Variants in INPP4B observed in about 807,000 individuals in gnomAD.
The protein encoded by INPP4B is inositol polyphosphate-4-phosphatase type II B.
Under a neutral mutation model 122.5 loss-of-function variants are expected in INPP4B, and 55 were observed. That is an observed-to-expected ratio of 0.45 (90% confidence interval 0.36 to 0.56). The LOEUF (loss-of-function observed/expected upper bound fraction) is 0.56, where lower values mean the gene tolerates loss of function less well. Ranked by LOEUF, INPP4B falls within the 20% of genes least tolerant of loss-of-function variation. The pLI, the probability that INPP4B is intolerant of heterozygous loss-of-function variation, is 0.00. For missense variants in INPP4B, 1,000 were observed against 1,097.7 expected, an observed-to-expected ratio of 0.91 and a Z score of 1.26; for synonymous variants, 403 against 388.7, an observed-to-expected ratio of 1.04 and a Z score of -0.43.
intron 9 of INPP4B, among the ~76,000 whole-genome samples, chr4:142,301,989 T>G (rs1761623585): frequency 6.6e-6 from 1 of 152,160 alleles, no homozygotes; most frequent in African/African-American, 2.4e-5. Context: ...ATTCATCAAC[T>G]TATAAGACAT....
intron 2 of INPP4B, among the ~76,000 whole-genome samples, chr4:142,725,239 G>A (rs1054964898): frequency 6.6e-6 from 1 of 152,018 alleles, no homozygotes; most frequent in Non-Finnish European, 1.5e-5. Flanking sequence ...ATAGTGATTT[G>A]AAAATTTAGC....
chr4:142,501,541 G>A (rs1190980845), intron 2 of INPP4B, among the ~76,000 whole-genome samples: 2 of 150,580 alleles, frequency 1.3e-5, no homozygotes, highest in Non-Finnish European at 2.9e-5. Flanking sequence ...AAAAGCAATT[G>A]AGATGAAAAC....
chr4:142,305,347 G>T, intron 9 of INPP4B, 111 bp downstream of exon 9: 1 of 770,892 alleles, frequency 1.3e-6, no homozygotes, highest in Non-Finnish European at 2.2e-6. Flanking sequence ...TTAGCTATTT[G>T]AGAACTGACA....
chr4:142,233,241 C>T (rs907966949), intron 12 of INPP4B, among the ~76,000 whole-genome samples: 2 of 151,832 alleles, frequency 1.3e-5, no homozygotes, highest in Admixed American at 1.3e-4. Flanking sequence ...TGTATTCCCA[C>T]AGGTCCTATA....
chr4:142,716,671 A>G (rs1207618297), intron 2 of INPP4B, among the ~76,000 whole-genome samples: 1 of 152,234 alleles, frequency 6.6e-6, no homozygotes, highest in Admixed American at 6.5e-5. Flanking sequence ...CTAACAGGCC[A>G]GGTAGAGGTC....
chr4:142,046,997 A>AT (rs1418445855), intron 25 of INPP4B, among the ~76,000 whole-genome samples: 1 of 152,012 alleles, frequency 6.6e-6, no homozygotes, highest in African/African-American at 2.4e-5. Context: ...TCTCAGATAC[A>AT]TTTTTTTCCT....
chr4:142,628,089 C>T (rs1305280800), intron 2 of INPP4B, among the ~76,000 whole-genome samples: 1 of 151,858 alleles, frequency 6.6e-6, no homozygotes, highest in Non-Finnish European at 1.5e-5. Flanking sequence ...ATAAATCATG[C>T]TGCTATAAAG....
intron 9 of INPP4B, among the ~76,000 whole-genome samples, chr4:142,301,929 A>G (rs1273087615): frequency 6.6e-6 from 1 of 152,142 alleles, no homozygotes; most frequent in African/African-American, 2.4e-5. Context: ...TGCTAGTATC[A>G]TTTCCACAGA....
At chr4:142,740,869 C>A (rs1013580723) in intron 1 of INPP4B, among the ~76,000 whole-genome samples, 1 of 152,040 alleles carries the variant, frequency 6.6e-6, no homozygotes, top group East Asian at 1.9e-4. Context: ...GATAAATTAA[C>A]TTAAAAGAGC....
chr4:142,790,618 G>A (rs1226536804), intron 1 of INPP4B, among the ~76,000 whole-genome samples: 6 of 151,766 alleles, frequency 4.0e-5, no homozygotes, highest in African/African-American at 1.5e-4. Context: ...AAAGCCCAAG[G>A]CCTATATAGG....
intron 7 of INPP4B, among the ~76,000 whole-genome samples, chr4:142,354,494 A>G (rs1480160194): frequency 6.6e-6 from 1 of 152,028 alleles, no homozygotes; most frequent in Non-Finnish European, 1.5e-5. Context: ...TTGGGCATTT[A>G]AGGAATAAAC....
At chr4:142,821,511 A>T (rs910458761) in intron 1 of INPP4B, among the ~76,000 whole-genome samples, 2 of 152,100 alleles carry the variant, frequency 1.3e-5, no homozygotes, top group African/African-American at 4.8e-5. Flanking sequence ...TACCTAATTA[A>T]TATTAACATG....
chr4:142,771,452 G>A (rs1453359721), intron 1 of INPP4B, among the ~76,000 whole-genome samples: 3 of 152,148 alleles, frequency 2.0e-5, no homozygotes, highest in Non-Finnish European at 4.4e-5. Context: ...GACCAATCAG[G>A]AGGCTCTGAA....
chr4:142,072,020 A>G (rs1767711309), intron 25 of INPP4B, among the ~76,000 whole-genome samples: 1 of 152,192 alleles, frequency 6.6e-6, no homozygotes, highest in East Asian at 1.9e-4. Context: ...TCATGCTGCT[A>G]TAAAGACACA....
At chr4:142,042,449 A>G (rs964908793) in intron 25 of INPP4B, among the ~76,000 whole-genome samples, 3 of 151,684 alleles carry the variant, frequency 2.0e-5, no homozygotes, top group Non-Finnish European at 2.9e-5. Flanking sequence ...TTTCTGTACA[A>G]TCTCTTGTTT....
At chr4:142,666,657 A>G (rs1580666242) in intron 2 of INPP4B, among the ~76,000 whole-genome samples, 2 of 150,280 alleles carry the variant, frequency 1.3e-5, no homozygotes, top group Non-Finnish European at 3.0e-5. Context: ...GTGTGTGCAC[A>G]TGTGTGTGTG....
chr4:142,048,436 C>T (rs1250945904), intron 25 of INPP4B, among the ~76,000 whole-genome samples: 2 of 151,962 alleles, frequency 1.3e-5, no homozygotes, highest in African/African-American at 4.8e-5. Flanking sequence ...CTTGTGATGT[C>T]CCCAGTTCAT....
intron 1 of INPP4B, among the ~76,000 whole-genome samples, chr4:142,783,572 T>C (rs955495371): frequency 4.6e-5 from 7 of 152,186 alleles, no homozygotes; most frequent in Non-Finnish European, 1.0e-4. Context: ...AGTTTTTAGT[T>C]TCTAGTTTCA....
chr4:142,561,481 C>T (rs547569458), intron 2 of INPP4B, among the ~76,000 whole-genome samples: 5 of 152,134 alleles, frequency 3.3e-5, no homozygotes, highest in Admixed American at 6.5e-5. Context: ...TGTAGTGGCG[C>T]GATCTCAGCT....
Sources: gnomAD v4.1 joint callset for allele counts (sites outside exome capture counted in the v4.1 genomes callset) on GRCh38, gnomAD v4.1.1 for gene constraint, MANE v1.5 for transcripts, NCBI Gene and HGNC (gene_info 2026-07-23, HGNC 2026-07-21) for gene names.